The following ABLIM2 variants were observed in gnomAD, a reference collection of about 807,000 sequenced individuals.
ABLIM2 encodes actin-binding LIM protein 2.
ABLIM2 carries 53 observed loss-of-function variants against 97.7 expected under a neutral mutation model. That is an observed-to-expected ratio of 0.54 (90% CI 0.44 to 0.68). The LOEUF (loss-of-function observed/expected upper bound fraction) is 0.68. Ranked by LOEUF, ABLIM2 falls within the 30% of genes least tolerant of loss-of-function variation. The probability of loss-of-function intolerance (pLI) is 0.00; values close to 1 mark genes in which losing one functional copy is unlikely to be tolerated. For missense variants in ABLIM2, 835 were observed against 867.2 expected (o/e 0.96, Z 0.47); for synonymous variants, 361 against 345.8 (o/e 1.04, Z -0.49).
rs1226777968 is a variant in ABLIM2 at position 8,132,817 on chromosome 4, T to G, written c.10+25863A>C. 6.6e-6 allele frequency among the ~76,000 whole-genome samples: 1 copy of G among 152,140 alleles called. No individual in the cohort carries two copies. Among genetic ancestry groups the G allele is most frequent in the Non-Finnish European group, 1.5e-5 (1 of 68,016 alleles). On this transcript the variant is annotated intron_variant, in intron 1 of 20. Transcript: ENST00000447017. This position sits in a 1 kb window ranked among gnomAD's most constrained non-coding sequence, Gnocchi z 8.0. ...ACCACGGACTGGGCTGCAGGGAGACTAAATGAGATGATGCCTCTGAAAGTG... is the reference window on the plus strand; with the variant it reads ...ACCACGGACTGGGCTGCAGGGAGACGAAATGAGATGATGCCTCTGAAAGTG...
intron 16 of ABLIM2, among the ~76,000 whole-genome samples, chr4:8,000,047 C>A (rs1024403838): frequency 2.6e-5 from 4 of 152,154 alleles, no homozygotes; most frequent in Admixed American, 6.5e-5. Flanking sequence ...CTCACTTGGG[C>A]AGTTCCCATC....
chr4:8,013,268 G>A (rs1766355327), intron 14 of ABLIM2, among the ~76,000 whole-genome samples: 1 of 146,292 alleles, frequency 6.8e-6, no homozygotes, highest in African/African-American at 2.6e-5. Flanking sequence ...TGTTGCCCAG[G>A]CTGGAGTGCA....
chr4:8,052,168 A>C (rs1362574420), intron 8 of ABLIM2, among the ~76,000 whole-genome samples: 1 of 152,258 alleles, frequency 6.6e-6, no homozygotes, highest in Non-Finnish European at 1.5e-5. Flanking sequence ...GAGCCACATC[A>C]TCAGGAGACA....
In ABLIM2 at chr4:8,123,719, A is replaced by T. The variant is rs539553561; in HGVS notation, c.11-17082T>A. ...TGTACTGACAGGGTCCGGCTCACAC[A>T]CCAAAGCCTGTGGGTCTACACATGG... On this transcript the variant is annotated intron_variant, in intron 1 of 20. Transcript: ENST00000447017. The surrounding 1 kb of genome is among the most constrained non-coding windows in gnomAD (Gnocchi z 6.2). Among the ~76,000 whole-genome samples the T allele has an allele frequency of 6.6e-6, 1 of 152,038 alleles. No individual in the cohort carries two copies. The highest frequency in any genetic ancestry group is 2.1e-4 in the South Asian group (1 of 4,808).
intron 9 of ABLIM2, among the ~76,000 whole-genome samples, chr4:8,040,579 C>A (rs1325842992): frequency 7.3e-5 from 11 of 151,398 alleles, no homozygotes; most frequent in African/African-American, 2.7e-4. Context: ...CCACTGCACT[C>A]CAGCCTGGGC....
intron 1 of ABLIM2, among the ~76,000 whole-genome samples, chr4:8,138,517 C>T (rs546396112): frequency 6.6e-6 from 1 of 152,254 alleles, no homozygotes; most frequent in South Asian, 2.1e-4. Flanking sequence ...GGTACAAAAA[C>T]AGACTCACAG....
At position 7,966,810 on chromosome 4, in the gene ABLIM2, A is replaced by C. The variant is rs1723179778; in HGVS notation, c.*180T>G. On this transcript the variant is annotated 3_prime_UTR_variant, in exon 21 of 21. Coordinates refer to ENST00000447017, the MANE Select transcript of ABLIM2 (RefSeq NM_001130083.2). ...GTGAAGCTAGCCGTCTCGGCCCTAA[A>C]CTACCGGCAGGAGTGTCGCCGGCAG... 1.7e-6 allele frequency: 1 copy of C among 580,574 alleles called. No homozygotes were observed. Among genetic ancestry groups the C allele is most frequent in the Admixed American group, 3.0e-5 (1 of 33,366 alleles). The allele number at this position is 580,574 out of a possible 1,614,324, so 36.0% of individuals were successfully genotyped here.
chr4:8,099,627 C>T (rs568762572), intron 2 of ABLIM2, among the ~76,000 whole-genome samples: 102 of 152,236 alleles, frequency 6.7e-4, no homozygotes, highest in Non-Finnish European at 1.2e-3. Flanking sequence ...AGGCAGATCA[C>T]GAGGTCAGGA....
At position 8,097,108 on chromosome 4, in the gene ABLIM2, G is replaced by A. The variant is rs764287052; in HGVS notation, c.329C>T (p.Ala110Val). ...GTGCCCACTTACTCACCGGCAGACGGCACACACGAAGCAGTCGGGGTGGTA... is the reference window on the plus strand; with the variant it reads ...GTGCCCACTTACTCACCGGCAGACGACACACACGAAGCAGTCGGGGTGGTA... ...KTYHPDCFVC[A>V]VCRLPFPPGD... The change falls in exon 3 of 21, where the codon GCC becomes GTC. Residue 110 changes from alanine (A) to valine (V), a missense_variant. Ala to Val is a moderately conservative substitution (Grantham distance 64). Coordinates refer to ENST00000447017, the MANE Select transcript of ABLIM2 (RefSeq NM_001130083.2). 1.2e-6 allele frequency: 2 copies of A among 1,605,946 alleles called. No homozygotes were observed. Among genetic ancestry groups the A allele is most frequent in the East Asian group, 2.2e-5 (1 of 44,588 alleles).
rs781157590 is a variant in ABLIM2 at position 8,019,431 on chromosome 4, G to A, written c.1423+187C>T. 6.6e-6 allele frequency among the ~76,000 whole-genome samples: 1 copy of A among 152,156 alleles called. No homozygotes were observed. Among genetic ancestry groups the A allele is most frequent in the Non-Finnish European group, 1.5e-5 (1 of 68,032 alleles). Reference sequence around the variant, plus strand: ...TCCTTACTCAGACATACCCTTCATCGTAATTTATCAGAACAGGACTCTCGG... The same window carrying A: ...TCCTTACTCAGACATACCCTTCATCATAATTTATCAGAACAGGACTCTCGG... On this transcript the variant is annotated intron_variant, in intron 14 of 20. Transcript: ENST00000447017. The surrounding 1 kb of genome is among the most constrained non-coding windows in gnomAD (Gnocchi z 4.3).
rs924981998 is a variant in ABLIM2, at chr4:8,148,468, C to T, written c.10+10212G>A. ...AGGAGTGCGGGTTCTGCAGCTGGCA[C>T]GGTGCTTCTCAGCCGAATCACCTCG... On this transcript the variant is annotated intron_variant, in intron 1 of 20. Coordinates refer to ENST00000447017, the MANE Select transcript of ABLIM2 (RefSeq NM_001130083.2). This position sits in a 1 kb window ranked among gnomAD's most constrained non-coding sequence, Gnocchi z 6.7. 9.9e-5 allele frequency among the ~76,000 whole-genome samples: 15 copies of T among 152,146 alleles called. No individual in the cohort carries two copies. In the East Asian group the frequency reaches 2.7e-3, roughly 27 times the overall value.
rs531657895 is a variant in ABLIM2 at position 8,003,831 on chromosome 4, C to T, written c.1618+4228G>A. Among the ~76,000 whole-genome samples the T allele has an allele frequency of 2.0e-5, 3 of 152,218 alleles. No individual in the cohort carries two copies. In the South Asian group the frequency reaches 6.2e-4, roughly 32 times the overall value. Reference sequence around the variant, plus strand: ...CTGCCCGCCTCGGCCTCCCAAAGTGCTGGGATTACAGGCATGAGCCACTGT... The same window carrying T: ...CTGCCCGCCTCGGCCTCCCAAAGTGTTGGGATTACAGGCATGAGCCACTGT... On this transcript the variant is annotated intron_variant, in intron 16 of 20. Coordinates refer to ENST00000447017, the MANE Select transcript of ABLIM2 (RefSeq NM_001130083.2). The surrounding 1 kb of genome is among the most constrained non-coding windows in gnomAD (Gnocchi z 4.2).
In ABLIM2 at chr4:8,082,144, G is replaced by A. The variant is rs571734693; in HGVS notation, c.455-1342C>T. Among the ~76,000 whole-genome samples, 11 of 152,236 alleles carry A rather than the reference G, an allele frequency of 7.2e-5. No individual in the cohort carries two copies. The South Asian group carries it at 1.7e-3, about 23-fold the overall frequency. On this transcript the variant is annotated intron_variant, in intron 4 of 20. Coordinates refer to ENST00000447017, the MANE Select transcript of ABLIM2 (RefSeq NM_001130083.2). The surrounding 1 kb of genome is among the most constrained non-coding windows in gnomAD (Gnocchi z 5.6). ...GGTGTCTGACAAACAGGGCCTTGCCGCCTGCAGGAGCCCCTGAGTAATTCA... is the reference window on the plus strand; with the variant it reads ...GGTGTCTGACAAACAGGGCCTTGCCACCTGCAGGAGCCCCTGAGTAATTCA...
rs1490879131 is a variant in ABLIM2, at chr4:7,996,638, C to A, written c.1619-3711G>T. Among the ~76,000 whole-genome samples, 1 of 152,116 alleles carries A rather than the reference C, an allele frequency of 6.6e-6. No homozygotes were observed. The highest frequency in any genetic ancestry group is 1.9e-4 in the East Asian group (1 of 5,194). The stretch of plus-strand genomic sequence containing the variant: ...AAGAAGAGGGCTATTATGTTTTGTC[C>A]CCGGTTTTACCTATTCCGACGTTCT... On this transcript the variant is annotated intron_variant, in intron 16 of 20. Coordinates refer to ENST00000447017, the MANE Select transcript of ABLIM2 (RefSeq NM_001130083.2). This position sits in a 1 kb window ranked among gnomAD's most constrained non-coding sequence, Gnocchi z 4.5.
At chr4:7,984,706 C>G (rs1742095466) in intron 18 of ABLIM2, 133 bp downstream of exon 18, 3 of 963,402 alleles carry the variant, frequency 3.1e-6, no homozygotes, top group Admixed American at 5.3e-5. Flanking sequence ...ACGCCCTCCC[C>G]CGAGGTGTCC....
intron 3 of ABLIM2, among the ~76,000 whole-genome samples, chr4:8,091,470 A>G (rs1827951412): frequency 2.1e-5 from 1 of 48,110 alleles, no homozygotes; most frequent in African/African-American, 7.1e-5. Flanking sequence ...ATAATTATAT[A>G]TAATATATAA....
In ABLIM2 at chr4:7,990,030, G is replaced by C. The variant is rs1747468323; in HGVS notation, c.1680+2836C>G. Among the ~76,000 whole-genome samples, 3 of 152,070 alleles carry C rather than the reference G, an allele frequency of 2.0e-5. No individual in the cohort carries two copies. In the South Asian group the frequency reaches 6.2e-4, roughly 32 times the overall value. ...AGGACATATTGTGCTTTAGGTCACT[G>C]GGCCCTTGTAACAAATCCTTCTGGA... On this transcript the variant is annotated intron_variant, in intron 17 of 20. Coordinates refer to ENST00000447017, the MANE Select transcript of ABLIM2 (RefSeq NM_001130083.2).
At chr4:8,042,318 C>T (rs1243571480) in intron 9 of ABLIM2, among the ~76,000 whole-genome samples, 1 of 152,206 alleles carries the variant, frequency 6.6e-6, no homozygotes, top group South Asian at 2.1e-4. Context: ...ACCTTTCCCT[C>T]ATTCTGTGCA....
chr4:8,089,719 G>T (rs1286300079), intron 3 of ABLIM2, among the ~76,000 whole-genome samples: 2 of 117,840 alleles, frequency 1.7e-5, no homozygotes, highest in Non-Finnish European at 3.3e-5. Flanking sequence ...GGGCCAAAGA[G>T]TGAGATTCAT....
Sources: gnomAD v4.1 joint callset for allele counts (sites outside exome capture counted in the v4.1 genomes callset) on GRCh38, gnomAD v4.1.1 for gene constraint, Gnocchi (gnomAD v3.1) non-coding constraint, MANE v1.5 for transcripts, NCBI Gene and HGNC (gene_info 2026-07-23, HGNC 2026-07-21) for gene names.